Variants in SYNE1 observed in about 807,000 individuals in gnomAD.
SYNE1 encodes nesprin-1.
A neutral mutation model predicts 1,111.0 loss-of-function variants in SYNE1; 616 were observed. That is an observed-to-expected ratio of 0.55 (90% confidence interval 0.52 to 0.59). SYNE1 has a LOEUF of 0.59. Ranked by LOEUF, SYNE1 falls within the 20% of genes least tolerant of loss-of-function variation. SYNE1 has a pLI of 0.00. For missense variants in SYNE1, 10,006 were observed against 10,417.0 expected, an observed-to-expected ratio of 0.96 and a Z score of 1.72; for synonymous variants, 3,855 against 3,825.8, an observed-to-expected ratio of 1.01 and a Z score of -0.28.
At chr6:152,602,970 A>G (rs1205061464) in intron 3 of SYNE1, among the ~76,000 whole-genome samples, 2 of 152,162 alleles carry the variant, frequency 1.3e-5, no homozygotes, top group Admixed American at 6.5e-5. Context: ...AGCCATACCC[A>G]TAAAATGAAG....
Position 152,323,664 on chromosome 6 carries a change from T to C in SYNE1, c.15731A>G (p.Lys5244Arg), listed in dbSNP as rs2095954130. The change falls in exon 82 of 146, where the codon AAA becomes AGA. Residue 5244 changes from lysine to arginine, a missense_variant. Transcript: ENST00000367255. ...LPGSSAEKAS[K>R]AELLTLLEYH... ...TTCAAGAAGAGTTAAGAGCTCTGCTTTCGATGCTTTCTCTGCTGAACTTCC... is the reference window on the plus strand; with the variant it reads ...TTCAAGAAGAGTTAAGAGCTCTGCTCTCGATGCTTTCTCTGCTGAACTTCC... The C allele has an allele frequency of 6.2e-7, 1 of 1,614,246 alleles. No individual in the cohort carries two copies. Among genetic ancestry groups the C allele is most frequent in the South Asian group, 1.1e-5 (1 of 91,088 alleles).
At position 152,291,881 on chromosome 6, in the gene SYNE1, T is replaced by C. The variant is rs188085997; in HGVS notation, c.18012+1707A>G. 5.3e-5 allele frequency among the ~76,000 whole-genome samples: 8 copies of C among 152,308 alleles called. No homozygotes were observed. The South Asian group carries it at 8.3e-4, about 16-fold the overall frequency. On this transcript the variant is annotated intron_variant, in intron 95 of 145. Transcript: ENST00000367255. ...ACTCTAATCCAGCCCTTGCATAATT[T>C]ACACTATATTCCTTCTGAATGCTTA...
intron 98 of SYNE1, among the ~76,000 whole-genome samples, chr6:152,271,068 C>T (rs1159516963): frequency 6.6e-6 from 1 of 152,180 alleles, no homozygotes; most frequent in East Asian, 1.9e-4. Context: ...CTGCTGCTCG[C>T]CTGCCCCTGG....
chr6:152,427,646 A>T, intron 38 of SYNE1, 47 bp downstream of exon 38: 1 of 1,610,942 alleles, frequency 6.2e-7, no homozygotes, highest in Non-Finnish European at 8.5e-7. Context: ...TGTAACTGTA[A>T]CAAAAAGCAT....
intron 48 of SYNE1, 22 bp from the exon 49 acceptor site, chr6:152,398,753 A>G (rs1399541198): frequency 6.4e-7 from 1 of 1,573,136 alleles, no homozygotes; most frequent in Non-Finnish European, 8.7e-7. Context: ...AAAAATAAAT[A>G]AATAAAAATA....
At chr6:152,513,945 T>C (rs1346132282) in intron 6 of SYNE1, among the ~76,000 whole-genome samples, 1 of 152,066 alleles carries the variant, frequency 6.6e-6, no homozygotes. Context: ...GTCACACCAG[T>C]TAGAATGGCG....
Position 152,510,218 on chromosome 6 carries a change from T to G in SYNE1, c.556A>C (p.Lys186Gln), listed in dbSNP as rs764292796. 1.2e-6 allele frequency: 2 copies of G among 1,614,068 alleles called. No individual in the cohort carries two copies. The highest frequency in any genetic ancestry group is 1.7e-6 in the Non-Finnish European group (2 of 1,179,966). Reference sequence around the variant, plus strand: ...TTGCCAGCTGTGTACTGAACCCACTTTAATAAAGCCTTCTTAGCATTTCCT... The same window carrying G: ...TTGCCAGCTGTGTACTGAACCCACTGTAATAAAGCCTTCTTAGCATTTCCT... ...IQGNAKKALL[K>Q]WVQYTAGKQT... Residue 186 changes from lysine to glutamine, a missense_variant, in exon 8 of 146, where the codon AAG (lysine) becomes CAG (glutamine). Coordinates refer to ENST00000367255, the MANE Select transcript of SYNE1 (RefSeq NM_182961.4).
At chr6:152,324,973 G>T in intron 81 of SYNE1, 111 bp downstream of exon 81, 1 of 1,267,770 alleles carries the variant, frequency 7.9e-7, no homozygotes, top group Non-Finnish European at 1.1e-6. Flanking sequence ...ATTTTAAAAA[G>T]CCTTTATTAC....
chr6:152,579,331 C>A (rs1022506240), intron 3 of SYNE1, among the ~76,000 whole-genome samples: 2 of 152,204 alleles, frequency 1.3e-5, no homozygotes, highest in African/African-American at 4.8e-5. Context: ...CTTGAGTCAC[C>A]TGCCTTTGGA....
In SYNE1 at chr6:152,353,499, T is replaced by C. The variant is rs115254135; in HGVS notation, c.11083-66A>G. On this transcript the variant is annotated intron_variant, in intron 68 of 145. Transcript: ENST00000367255. ...CTGTGCCAGGGCCTTTGTTGATGAA[T>C]ATGTATCTTCACTGGATGTTAGTGA... 2.2e-3 allele frequency: 3,584 copies of C among 1,613,276 alleles called. 60 individuals are homozygous for C. In the African/African-American group the frequency reaches 0.042, roughly 19 times the overall value.
intron 101 of SYNE1, among the ~76,000 whole-genome samples, chr6:152,257,680 G>A (rs917582467): frequency 6.6e-6 from 1 of 152,100 alleles, no homozygotes; most frequent in African/African-American, 2.4e-5. Flanking sequence ...CACTGGCATA[G>A]AGAAAACTCT....
intron 39 of SYNE1, 98 bp downstream of exon 39, chr6:152,425,283 G>A (rs1409808765): frequency 1.1e-5 from 15 of 1,344,368 alleles, no homozygotes; most frequent in Non-Finnish European, 1.4e-5. Context: ...GAGTAGTTGA[G>A]TTAAATAAAA....
At chr6:152,297,698 C>A (rs2094945998) in intron 93 of SYNE1, among the ~76,000 whole-genome samples, 1 of 152,034 alleles carries the variant, frequency 6.6e-6, no homozygotes, top group Admixed American at 6.5e-5. Flanking sequence ...ACATTAGATA[C>A]TCTATTATAA....
At chr6:152,582,101 G>A (rs1037628854) in intron 3 of SYNE1, among the ~76,000 whole-genome samples, 5 of 151,718 alleles carry the variant, frequency 3.3e-5, no homozygotes, top group East Asian at 1.9e-4. Context: ...CTGCCAAATC[G>A]TATCCCCCTC....
In SYNE1 at chr6:152,220,975, C is replaced by A; in HGVS notation, c.21728G>T (p.Arg7243Ile). The A allele has an allele frequency of 6.2e-7, 1 of 1,614,136 alleles. No individual in the cohort carries two copies. Among genetic ancestry groups the A allele is most frequent in the Non-Finnish European group, 8.5e-7 (1 of 1,180,000 alleles). ...SSKALLQLWQRYKDYSKQCAS... is the reference protein window; with the variant it reads ...SSKALLQLWQIYKDYSKQCAS... ...ACACTGTTTGGAGTAGTCCTTGTAT[C>A]TTTGCCAAAGCTGAAGTAGGGCCTT... The change falls in exon 119 of 146, where the codon AGA becomes ATA. Residue 7243 changes from arginine (R) to isoleucine (I), a missense_variant. Transcript: ENST00000367255.
At position 152,142,981 on chromosome 6, in the gene SYNE1, G is replaced by A. The variant is rs552270925; in HGVS notation, c.25119+642C>T. 1.8e-4 allele frequency among the ~76,000 whole-genome samples: 27 copies of A among 152,284 alleles called. No homozygotes were observed. In the South Asian group the frequency reaches 4.6e-3, roughly 26 times the overall value. ...CTTTAAAATTCTCTTCCTTAAGTAC[G>A]CGTAGGAAAGCAGGTAGTTCTCTAG... On this transcript the variant is annotated intron_variant, in intron 138 of 145. Coordinates refer to ENST00000367255, the MANE Select transcript of SYNE1 (RefSeq NM_182961.4).
intron 129 of SYNE1, among the ~76,000 whole-genome samples, chr6:152,178,242 T>TA (rs202201054): frequency 0.051 from 7,696 of 151,006 alleles, 206 homozygotes; most frequent in Middle Eastern, 0.092. Flanking sequence ...CTAAATTTAG[T>TA]AAAAAAAAAG....
chr6:152,463,851 A>G (rs191815786), intron 18 of SYNE1, among the ~76,000 whole-genome samples: 87 of 152,272 alleles, frequency 5.7e-4, no homozygotes, highest in African/African-American at 1.9e-3. Context: ...GCTAGTAAAT[A>G]CCAGTGCCAG....
chr6:152,138,911 C>T (rs191455344), intron 140 of SYNE1, among the ~76,000 whole-genome samples: 107 of 152,300 alleles, frequency 7.0e-4, no homozygotes, highest in Non-Finnish European at 1.2e-3. Flanking sequence ...AAATCAAACG[C>T]AAATGCCAGG....
Sources: gnomAD v4.1 joint callset for allele counts (sites outside exome capture counted in the v4.1 genomes callset) on GRCh38, gnomAD v4.1.1 for gene constraint, MANE v1.5 for transcripts, NCBI Gene and HGNC (gene_info 2026-07-23, HGNC 2026-07-21) for gene names.